Variants in ATP2B4 observed in about 807,000 individuals in gnomAD.
ATP2B4 encodes plasma membrane calcium-transporting ATPase 4.
A neutral mutation model predicts 110.3 loss-of-function variants in ATP2B4; 39 were observed. That is an observed-to-expected ratio of 0.35 (90% confidence interval 0.27 to 0.46). The LOEUF (loss-of-function observed/expected upper bound fraction) is 0.46, where lower values mean the gene tolerates loss of function less well. ATP2B4 is among the 20% of genes least tolerant of loss of function. The pLI is 1.00. For missense variants in ATP2B4, 1,135 were observed against 1,530.9 expected (o/e 0.74, Z 4.32); for synonymous variants, 538 against 571.7 (o/e 0.94, Z 0.84).
At chr1:203,736,563 T>C (rs1025826614) in intron 20 of ATP2B4, among the ~76,000 whole-genome samples, 10 of 151,922 alleles carry the variant, frequency 6.6e-5, no homozygotes, top group African/African-American at 2.4e-4. Context: ...TCAGCACTCA[T>C]ACCCAGTCTC....
intron 2 of ATP2B4, among the ~76,000 whole-genome samples, chr1:203,692,159 C>T (rs1054956330): frequency 1.3e-5 from 2 of 151,224 alleles, no homozygotes; most frequent in African/African-American, 2.4e-5. Context: ...GGATTGCAGG[C>T]GTGAGCCACC....
intron 1 of ATP2B4, chr1:203,657,039 A>G: frequency 1.3e-6 from 1 of 790,350 alleles, no homozygotes. Context: ...ATTTTCTCCA[A>G]ATAACTTTGC....
intron 1 of ATP2B4, among the ~76,000 whole-genome samples, chr1:203,662,966 T>G (rs547961223): frequency 1.4e-4 from 22 of 152,282 alleles, no homozygotes; most frequent in African/African-American, 4.8e-4. Flanking sequence ...TAGAGAGAAG[T>G]GATTATCTGG....
At chr1:203,714,640 G>T (rs1049775270) in intron 15 of ATP2B4, among the ~76,000 whole-genome samples, 10 of 152,170 alleles carry the variant, frequency 6.6e-5, no homozygotes, top group African/African-American at 2.4e-4. Context: ...TCACTTCTGA[G>T]GCCAAGAGCA....
At chr1:203,703,273 A>G (rs1665749120) in intron 7 of ATP2B4, among the ~76,000 whole-genome samples, 1 of 152,066 alleles carries the variant, frequency 6.6e-6, no homozygotes, top group Admixed American at 6.6e-5. Context: ...TTCTGCAGTA[A>G]AGATTCACTA....
chr1:203,734,789 G>T (rs1054550996), intron 20 of ATP2B4, among the ~76,000 whole-genome samples: 10 of 151,242 alleles, frequency 6.6e-5, no homozygotes, highest in African/African-American at 2.4e-4. Context: ...TGGATCATAA[G>T]GTCAGGAGTT....
chr1:203,648,198 T>C (rs999868663), intron 1 of ATP2B4, among the ~76,000 whole-genome samples: 3 of 152,148 alleles, frequency 2.0e-5, no homozygotes, highest in African/African-American at 4.8e-5. Context: ...CCATAAAGAT[T>C]TCCTGCCTTC....
intron 19 of ATP2B4, among the ~76,000 whole-genome samples, chr1:203,725,550 T>G (rs1666483691): frequency 6.6e-6 from 1 of 152,348 alleles, no homozygotes; most frequent in Admixed American, 6.5e-5. Flanking sequence ...TGTTAATTAG[T>G]GAATCAGTTA....
In ATP2B4 at chr1:203,672,343, T is replaced by C. The variant is rs1466058683; in HGVS notation, c.-464-10399T>C. Among the ~76,000 whole-genome samples, 5 of 141,100 alleles carry C rather than the reference T, an allele frequency of 3.5e-5. No individual in the cohort carries two copies. The East Asian group carries it at 1.0e-3, about 29-fold the overall frequency. 92.6% of individuals were successfully genotyped at this position (141,100 alleles called of 152,430 possible). A position where few individuals can be genotyped will look rare whatever the true frequency, so the allele number is the denominator to read the frequency against. On this transcript the variant is annotated intron_variant, in intron 1 of 20. Coordinates refer to ENST00000357681, the MANE Select transcript of ATP2B4 (RefSeq NM_001684.5). The stretch of plus-strand genomic sequence containing the variant: ...GTGGCTCTTTTTTTTTTTTTTTTTT[T>C]TTTTTTTTTTTTTAAAGCTGATTTA...
In ATP2B4 at chr1:203,727,436, G is replaced by A. The variant is rs763673264; in HGVS notation, c.3174G>A (p.Lys1058=). 9.3e-6 allele frequency: 15 copies of A among 1,614,206 alleles called. No individual in the cohort carries two copies. The highest frequency in any genetic ancestry group is 1.2e-5 in the Non-Finnish European group (14 of 1,180,028). ...CTACCCGATCCCTGAAGTTCCTGAA[G>A]GAGGCTGGGCATGGCACCACCAAAG... ...AIPTRSLKFL[K]EAGHGTTKEE... is the part of the protein sequence containing the mutation. Residue 1058 remains lysine (K), a synonymous_variant, in exon 20 of 21, where the codon AAG becomes AAA. Transcript: ENST00000357681.
At chr1:203,716,881 A>C (rs1666171941) in intron 15 of ATP2B4, among the ~76,000 whole-genome samples, 1 of 144,872 alleles carries the variant, frequency 6.9e-6, no homozygotes, top group African/African-American at 2.5e-5. Flanking sequence ...GTAATTCTTT[A>C]TTTATTAACT....
At chr1:203,679,029 AAGAGATGAG>A (rs1269380517) in intron 1 of ATP2B4, among the ~76,000 whole-genome samples, 1 of 151,976 alleles carries the variant, frequency 6.6e-6, no homozygotes, top group Non-Finnish European at 1.5e-5. Context: ...CCCTAGGAGG[AAGAGATGAG>A]AGAGTTAGCT....
intron 1 of ATP2B4, among the ~76,000 whole-genome samples, chr1:203,648,285 GT>G (rs1001737241): frequency 4.7e-4 from 71 of 151,646 alleles, no homozygotes; most frequent in African/African-American, 1.0e-3. Flanking sequence ...GAAAAGAAGT[GT>G]TTTTTTTAAA....
intron 9 of ATP2B4, among the ~76,000 whole-genome samples, chr1:203,707,641 G>A (rs1310095896): frequency 6.6e-6 from 1 of 152,146 alleles, no homozygotes; most frequent in African/African-American, 2.4e-5. Flanking sequence ...ATGTTGGCCA[G>A]GCTGGTCTTG....
intron 1 of ATP2B4, among the ~76,000 whole-genome samples, chr1:203,666,745 C>T (rs962265674): frequency 2.6e-5 from 4 of 152,130 alleles, no homozygotes; most frequent in Non-Finnish European, 5.9e-5. Flanking sequence ...CTTCCTTTTG[C>T]CATATCCCCC....
intron 20 of ATP2B4, 57 bp downstream of exon 20, chr1:203,727,628 G>A (rs1269910644): frequency 1.3e-5 from 20 of 1,597,082 alleles, no homozygotes; most frequent in Non-Finnish European, 1.6e-5. Context: ...ATCTTGGAAG[G>A]TGTTGGGAGG....
chr1:203,630,754 A>G (rs1384317753), intron 1 of ATP2B4, among the ~76,000 whole-genome samples: 1 of 152,010 alleles, frequency 6.6e-6, no homozygotes, highest in Non-Finnish European at 1.5e-5. Context: ...CCCAGTGGGT[A>G]TTTGGTGGGT....
At chr1:203,652,270 AAGT>A (rs1227647273) in intron 1 of ATP2B4, among the ~76,000 whole-genome samples, 1 of 151,122 alleles carries the variant, frequency 6.6e-6, no homozygotes, top group Non-Finnish European at 1.5e-5. Context: ...TCAGCCTCCC[AAGT>A]AGTTGAAATT....
At chr1:203,717,070 C>T (rs1224126943) in intron 15 of ATP2B4, among the ~76,000 whole-genome samples, 1 of 145,946 alleles carries the variant, frequency 6.9e-6, no homozygotes, top group Non-Finnish European at 1.5e-5. Flanking sequence ...TGATGGCGGG[C>T]GCCTGTAATC....
Sources: allele counts gnomAD v4.1 joint callset (sites outside exome capture counted in the v4.1 genomes callset), GRCh38; gene constraint gnomAD v4.1.1; transcripts MANE v1.5; gene names NCBI Gene and HGNC (gene_info 2026-07-23, HGNC 2026-07-21).